DNAH17: variants seen among roughly 807,000 people sequenced by gnomAD.
DNAH17 encodes axonemal beta dynein heavy chain 17.
Under a neutral mutation model 485.6 loss-of-function variants are expected in DNAH17, and 376 were observed. The observed-to-expected ratio is 0.77, with a 90% CI of 0.71 to 0.84. The LOEUF (loss-of-function observed/expected upper bound fraction) is 0.84, where lower values mean the gene tolerates loss of function less well. Among genes scored for constraint, DNAH17 ranks in the 40% least tolerant of loss-of-function variants. The pLI is 0.00. For synonymous variants in DNAH17, 3,031 were observed against 2,405.9 expected (o/e 1.26, Z -7.60); for missense variants, 6,370 against 5,839.3 (o/e 1.09, Z -2.96).
intron 10 of DNAH17, 80 bp from the exon 11 acceptor site, chr17:78,566,810 T>C (rs1248043782): frequency 4.5e-6 from 6 of 1,340,158 alleles, no homozygotes; most frequent in East Asian, 2.5e-5. Context: ...CCTGCCCTGC[T>C]GAGAGGACTC....
rs1204951724 is a variant in DNAH17 at position 78,433,973 on chromosome 17, G to A, written c.12225+56C>T. 1.1e-5 allele frequency: 15 copies of A among 1,424,606 alleles called. No individual in the cohort carries two copies. The African/African-American group carries it at 1.3e-4, about 12-fold the overall frequency. 88.2% of individuals were successfully genotyped at this position (1,424,606 alleles called of 1,614,324 possible). On this transcript the variant is annotated intron_variant, in intron 75 of 80. Transcript: ENST00000389840. Reference sequence around the variant, plus strand: ...GGAAGGAGGGAGGGAAGGAGGGAGGGAAGGAGGGAAAGAGGGAGGGATATG... The same window carrying A: ...GGAAGGAGGGAGGGAAGGAGGGAGGAAAGGAGGGAAAGAGGGAGGGATATG...
intron 54 of DNAH17, among the ~76,000 whole-genome samples, chr17:78,472,279 C>CGAGGGT (rs907500429): frequency 7.4e-6 from 1 of 134,282 alleles, no homozygotes; most frequent in Non-Finnish European, 1.5e-5. Flanking sequence ...AGTAGGGGTG[C>CGAGGGT]GAGGGTTAGG....
At chr17:78,569,343 GC>G in intron 8 of DNAH17, 31 bp downstream of exon 8, 1 of 1,610,782 alleles carries the variant, frequency 6.2e-7, no homozygotes, top group Non-Finnish European at 8.5e-7. Context: ...CACTCGTCCT[GC>G]CTTGGCCCTC....
intron 22 of DNAH17, 55 bp from the exon 23 acceptor site, chr17:78,527,051 T>G: frequency 7.1e-7 from 1 of 1,415,052 alleles, no homozygotes; most frequent in Non-Finnish European, 9.6e-7. Flanking sequence ...TCTTAAACCT[T>G]CTATTGTGAA....
chr17:78,502,321 T>A (rs1598600553), intron 33 of DNAH17: 1 of 359,894 alleles, frequency 2.8e-6, no homozygotes, highest in Non-Finnish European at 5.0e-6. Context: ...ATTTTTTTTT[T>A]AAAGACTCTC....
chr17:78,543,448 G>A lies in DNAH17; in HGVS notation c.2532+409C>T, dbSNP rs188927947. Among the ~76,000 whole-genome samples the A allele has an allele frequency of 3.6e-4, 55 of 152,106 alleles. No homozygotes were observed. In the East Asian group the frequency reaches 6.0e-3, roughly 17 times the overall value. Reference sequence around the variant, plus strand: ...TGGGACTACAAGCGCCCGCCACCGCGCCCGGCTAATTTTTTGTATTTTTAG... The same window carrying A: ...TGGGACTACAAGCGCCCGCCACCGCACCCGGCTAATTTTTTGTATTTTTAG... On this transcript the variant is annotated intron_variant, in intron 17 of 80. Transcript: ENST00000389840.
rs140856549 is a variant in DNAH17 at position 78,459,001 on chromosome 17, G to A, written c.9861C>T (p.Ala3287=). ...EKLSRIKNKI[A]ELNANLSNLT... ...GGGACGGGAGCGAGCCGGCACTTAC[G>A]GCAATCTTGTTTTTGATCCGGGACA... The change falls in exon 61 of 81, where the codon GCC becomes GCT. Residue 3287 remains alanine (A), a splice_region_variant and synonymous_variant. Transcript: ENST00000389840. The A allele has an allele frequency of 1.4e-3, 2,308 of 1,613,956 alleles. 2 individuals carry two copies. Among genetic ancestry groups the A allele is most frequent in the Non-Finnish European group, 1.8e-3 (2,154 of 1,179,872 alleles).
At position 78,486,341 on chromosome 17, in the gene DNAH17, C is replaced by T. The variant is rs1468242072; in HGVS notation, c.6984G>A (p.Leu2328=). 1.4e-5 allele frequency: 23 copies of T among 1,613,838 alleles called. No homozygotes were observed. The highest frequency in any genetic ancestry group is 1.9e-5 in the Non-Finnish European group (23 of 1,179,808). ...EITVIQTILY[L]LECLLTEKTV... ...TCTTCTCCGTGAGCAGGCACTCCAG[C>T]AGGTACAGAATCGTTTGGATCACCG... Residue 2328 remains leucine, a synonymous_variant, in exon 45 of 81, where the codon CTG becomes CTA. Coordinates refer to ENST00000389840, the MANE Select transcript of DNAH17 (RefSeq NM_173628.4).
chr17:78,471,412 G>A (rs745888584), intron 54 of DNAH17, among the ~76,000 whole-genome samples: 1 of 152,242 alleles, frequency 6.6e-6, no homozygotes, highest in Non-Finnish European at 1.5e-5. Context: ...AGCGTAGTGT[G>A]AGAGCCAGCA....
At chr17:78,507,849 G>A (rs1196296425) in intron 27 of DNAH17, 44 bp from the exon 28 acceptor site, 5 of 1,467,622 alleles carry the variant, frequency 3.4e-6, no homozygotes, top group African/African-American at 1.4e-5. Flanking sequence ...CATTTGGCAT[G>A]CAAAGCTCAG....
intron 26 of DNAH17, among the ~76,000 whole-genome samples, chr17:78,513,844 G>A (rs151234051): frequency 4.7e-4 from 72 of 152,298 alleles, no homozygotes; most frequent in African/African-American, 1.6e-3. Flanking sequence ...GTAATTGTCA[G>A]TACTATTATT....
intron 44 of DNAH17, 129 bp downstream of exon 44, chr17:78,490,570 G>T: frequency 7.6e-7 from 1 of 1,321,576 alleles, no homozygotes; most frequent in Non-Finnish European, 1.0e-6. Flanking sequence ...CTGTGACACT[G>T]GTGCCTGGTG....
At position 78,476,552 on chromosome 17, in the gene DNAH17, G is replaced by A; in HGVS notation, c.8154+20C>T. The stretch of plus-strand genomic sequence containing the variant: ...GGAGCCATTCTGGGCTCGGCAGAGG[G>A]ACTGGGCAGCTTGACTTACATCAAA... On this transcript the variant is annotated intron_variant, in intron 52 of 80. Coordinates refer to ENST00000389840, the MANE Select transcript of DNAH17 (RefSeq NM_173628.4). 2 of 1,601,330 alleles carry A rather than the reference G, an allele frequency of 1.2e-6. No individual in the cohort carries two copies. Among genetic ancestry groups the A allele is most frequent in the Non-Finnish European group, 1.7e-6 (2 of 1,173,694 alleles).
chr17:78,425,658 G>T (rs771310279), intron 79 of DNAH17, 87 bp from the exon 80 acceptor site: 20 of 1,227,734 alleles, frequency 1.6e-5, no homozygotes, highest in Non-Finnish European at 2.0e-5. Context: ...CAGGGGTCAC[G>T]CCAGAACCTT....
chr17:78,510,541 G>C (rs548839895), intron 26 of DNAH17, 35 bp from the exon 27 acceptor site: 1 of 1,611,836 alleles, frequency 6.2e-7, no homozygotes, highest in East Asian at 2.2e-5. Context: ...ATTCATTTCA[G>C]GTCATGTGCA....
rs376198077 is a variant in DNAH17 at position 78,574,818 on chromosome 17, G to A, written c.240C>T (p.Ile80=). The A allele has an allele frequency of 1.2e-6, 2 of 1,613,952 alleles. No individual in the cohort carries two copies. The highest frequency in any genetic ancestry group is 1.7e-6 in the Non-Finnish European group (2 of 1,179,912). ...TGTTGATGTTCTCGGACTTTGTCTT[G>A]ATGAAGTAAACCCCTTTGGACTTGA... ...QSLKSKGVYF[I]KTKSENINKD... The change falls in exon 2 of 81, where the codon ATC becomes ATT. Residue 80 remains isoleucine, a synonymous_variant. Transcript: ENST00000389840.
chr17:78,515,754 T>TG (rs1206174049), intron 25 of DNAH17, among the ~76,000 whole-genome samples: 2 of 152,238 alleles, frequency 1.3e-5, no homozygotes, highest in Non-Finnish European at 2.9e-5. Flanking sequence ...AACCAGTCCT[T>TG]GGCAGGTAGC....
At chr17:78,502,729 A>C in intron 32 of DNAH17, 31 bp from the exon 33 acceptor site, 1 of 1,603,510 alleles carries the variant, frequency 6.2e-7, no homozygotes, top group Non-Finnish European at 8.5e-7. Flanking sequence ...TTGCCCACGC[A>C]GTGAGCGATC....
At chr17:78,453,505 CT>C (rs763358855) in intron 64 of DNAH17, 40 bp from the exon 65 acceptor site, 1 of 1,611,702 alleles carries the variant, frequency 6.2e-7, no homozygotes, top group Non-Finnish European at 8.5e-7. Context: ...GGCAGAGGGC[CT>C]CGTGATGGAA....
Sources: allele counts gnomAD v4.1 joint callset (sites outside exome capture counted in the v4.1 genomes callset), GRCh38; gene constraint gnomAD v4.1.1; transcripts MANE v1.5; gene names NCBI Gene and HGNC (gene_info 2026-07-23, HGNC 2026-07-21).